SMS: variants seen among roughly 807,000 people sequenced by gnomAD.
SMS encodes spermine synthase.
In SMS, 3 loss-of-function variants were observed where a neutral mutation model predicts 33.0. That is an observed-to-expected ratio of 0.09 (90% CI 0.04 to 0.23). SMS has a LOEUF of 0.23. Among genes scored for constraint, SMS ranks in the 10% least tolerant of loss-of-function variants. The pLI is 1.00. For synonymous variants in SMS, 103 were observed against 112.2 expected (o/e 0.92, Z 0.52); for missense variants, 117 against 288.6 (o/e 0.41, Z 4.31).
At chrX:21,983,771 C>G (rs1424064966) in intron 7 of SMS, among the ~76,000 whole-genome samples, 2 of 111,405 alleles carry the variant, frequency 1.8e-5, no homozygotes, top group African/African-American at 6.5e-5. Context: ...GCCTCTAATC[C>G]CAGCACTATG....
intron 1 of SMS, among the ~76,000 whole-genome samples, chrX:21,963,779 G>C (rs1011016548): frequency 1.8e-5 from 2 of 112,166 alleles, no homozygotes; most frequent in Non-Finnish European, 3.8e-5. Context: ...TAGATTGTTC[G>C]TTCACCAGCA....
At chrX:21,978,532 C>T (rs183359743) in intron 6 of SMS, among the ~76,000 whole-genome samples, 1 of 111,655 alleles carries the variant, frequency 9.0e-6, no homozygotes, top group East Asian at 2.8e-4. Flanking sequence ...GCCAAGATTG[C>T]GCAACTTCAC....
intron 4 of SMS, among the ~76,000 whole-genome samples, chrX:21,975,623 T>A (rs768000182): frequency 1.9e-4 from 21 of 111,360 alleles, no homozygotes; most frequent in Admixed American, 4.8e-4. Context: ...GTTGTCCTGA[T>A]TGGTGCTTCA....
chrX:21,941,332 G>C, intron 1 of SMS: 1 of 245,405 alleles, frequency 4.1e-6, no homozygotes, highest in African/African-American at 3.0e-5. Context: ...GCCGAGCGGG[G>C]CTGCCCGCGC....
intron 1 of SMS, among the ~76,000 whole-genome samples, chrX:21,965,008 G>C (rs946608053): frequency 1.8e-5 from 2 of 111,187 alleles, no homozygotes; most frequent in Non-Finnish European, 3.8e-5. Flanking sequence ...GCTTCTAGCT[G>C]TCCTGGGCTT....
intron 2 of SMS, among the ~76,000 whole-genome samples, chrX:21,970,165 A>G (rs1924030608): frequency 8.9e-6 from 1 of 112,104 alleles, no homozygotes; most frequent in South Asian, 3.7e-4. Flanking sequence ...CACTTGGTCA[A>G]CTGGTACCCA....
chrX:21,959,828 T>A lies in SMS; in HGVS notation c.50-7368T>A, dbSNP rs773960323. 3.5e-5 allele frequency: 18 copies of A among 511,044 alleles called. No individual in the cohort carries two copies. The South Asian group carries it at 1.3e-3, about 37-fold the overall frequency. The allele number at this position is 511,044 out of a possible 1,213,427, so 42.1% of individuals were successfully genotyped here. A position where few individuals can be genotyped will look rare whatever the true frequency, so the allele number is the denominator to read the frequency against. ...GGGTTTAGGGGAAAGGATGCCTGCG[T>A]TTGTGCTTCCCCTTGCGGGGGAGTT... On this transcript the variant is annotated intron_variant, in intron 1 of 10. Coordinates refer to ENST00000404933, the MANE Select transcript of SMS (RefSeq NM_004595.5).
At chrX:21,960,819 G>A (rs1057129537) in intron 1 of SMS, among the ~76,000 whole-genome samples, 2 of 111,081 alleles carry the variant, frequency 1.8e-5, no homozygotes, top group Admixed American at 9.6e-5. Flanking sequence ...GTGTGCTCAT[G>A]GCCTGAGTTT....
Position 21,975,613 on chromosome X carries a change from G to A in SMS, c.330-1448G>A, listed in dbSNP as rs1245292567. ...AGTCCTGTTCGCCTGCTCTCTAGCA[G>A]TTGTCCTGATTGGTGCTTCACATTT... On this transcript the variant is annotated intron_variant, in intron 4 of 10. Transcript: ENST00000404933. 3.2e-4 allele frequency among the ~76,000 whole-genome samples: 36 copies of A among 111,367 alleles called. 1 individual carries two copies.
At chrX:21,980,227 G>A (rs916269658) in intron 7 of SMS, among the ~76,000 whole-genome samples, 10 of 108,736 alleles carry the variant, frequency 9.2e-5, no homozygotes, top group Non-Finnish European at 1.3e-4. Flanking sequence ...ATATTTAGCA[G>A]TCATTTTAAA....
intron 7 of SMS, among the ~76,000 whole-genome samples, chrX:21,979,186 TTC>T (rs1491288838): frequency 2.1e-5 from 1 of 48,320 alleles, no homozygotes. Context: ...ATAAAATTAA[TTC>T]TTTTTTTTTT....
intron 1 of SMS, among the ~76,000 whole-genome samples, chrX:21,954,168 A>T (rs960442514): frequency 1.8e-5 from 2 of 112,018 alleles, no homozygotes; most frequent in East Asian, 5.6e-4. Flanking sequence ...TATTCCTCAG[A>T]TTATTCTAGT....
rs759360655 is a variant in SMS at position 21,973,402 on chromosome X, G to A, written c.329+831G>A. Among the ~76,000 whole-genome samples the A allele has an allele frequency of 6.2e-5, 7 of 112,850 alleles. No homozygotes were observed. In the South Asian group the frequency reaches 1.1e-3, roughly 18 times the overall value. ...CAGTGAGCTGAGATCGCACCACTGC[G>A]CTCCATCCTGGGCAACAGAGTGAAA... On this transcript the variant is annotated intron_variant, in intron 4 of 10. Coordinates refer to ENST00000404933, the MANE Select transcript of SMS (RefSeq NM_004595.5).
At chrX:21,944,544 A>AG (rs1220074655) in intron 1 of SMS, among the ~76,000 whole-genome samples, 1 of 99,047 alleles carries the variant, frequency 1.0e-5, no homozygotes, top group Admixed American at 1.4e-4. Context: ...AAAAAAAAAA[A>AG]AGAAAAAAAA....
At position 21,954,417 on chromosome X, in the gene SMS, C is replaced by T. The variant is rs192135661; in HGVS notation, c.50-12779C>T. On this transcript the variant is annotated intron_variant, in intron 1 of 10. Transcript: ENST00000404933. ...TCTAGGTGCAATGATTTTGATTGCCCGTTTCAGAGCCATCTGGAAAAATTT... is the reference window on the plus strand; with the variant it reads ...TCTAGGTGCAATGATTTTGATTGCCTGTTTCAGAGCCATCTGGAAAAATTT... Among the ~76,000 whole-genome samples the T allele has an allele frequency of 1.2e-4, 13 of 112,417 alleles. No individual in the cohort carries two copies. The East Asian group carries it at 1.4e-3, about 12-fold the overall frequency.
chrX:21,954,615 G>A (rs7061351), intron 1 of SMS, among the ~76,000 whole-genome samples: 16,761 of 111,066 alleles, frequency 0.15, 983 homozygotes, highest in Non-Finnish European at 0.17. Context: ...TAATCTCCTT[G>A]GGGGCCCAGT....
In SMS at chrX:21,965,962, T is replaced by TA. The variant is rs766309406; in HGVS notation, c.50-1227dup. On this transcript the variant is annotated intron_variant, in intron 1 of 10. Transcript: ENST00000404933. ...CAGAGGGAGATCCTGTCTCAAAAAATAAAAAAAGTCTGTGCAGGCCAGAAT... is the reference window on the plus strand; with the variant it reads ...CAGAGGGAGATCCTGTCTCAAAAAATAAAAAAAAGTCTGTGCAGGCCAGAAT... 6.3e-5 allele frequency among the ~76,000 whole-genome samples: 7 copies of TA among 110,352 alleles called. No individual in the cohort carries two copies. In the East Asian group the frequency reaches 1.4e-3, roughly 23 times the overall value.
chrX:21,955,896 T>A (rs1308505085), intron 1 of SMS, among the ~76,000 whole-genome samples: 2 of 111,928 alleles, frequency 1.8e-5, no homozygotes, highest in African/African-American at 6.5e-5. Context: ...TGTCTGTGCC[T>A]TGTTTTCTGA....
intron 7 of SMS, among the ~76,000 whole-genome samples, chrX:21,982,890 A>G (rs1421994413): frequency 8.9e-6 from 1 of 112,430 alleles, no homozygotes; most frequent in South Asian, 3.6e-4. Context: ...ATATTTTTCC[A>G]TAGTTGGACT....
Sources: allele counts gnomAD v4.1 joint callset (sites outside exome capture counted in the v4.1 genomes callset), GRCh38; gene constraint gnomAD v4.1.1; transcripts MANE v1.5; gene names NCBI Gene and HGNC (gene_info 2026-07-23, HGNC 2026-07-21).